ZFYVE16: variants seen among roughly 807,000 people sequenced by gnomAD.
ZFYVE16 encodes the protein zinc finger FYVE-type containing 16.
ZFYVE16 carries 89 observed loss-of-function variants against 138.1 expected under a neutral mutation model. The observed-to-expected ratio is 0.64, with a 90% CI of 0.54 to 0.77. ZFYVE16 has a LOEUF of 0.77. Among genes scored for constraint, ZFYVE16 ranks in the 30% least tolerant of loss-of-function variants. The pLI is 0.00. For synonymous variants in ZFYVE16, 596 were observed against 618.3 expected (o/e 0.96, Z 0.53); for missense variants, 1,793 against 1,786.7 (o/e 1.00, Z -0.06).
chr5:80,423,042 A>G (rs759136911), intron 1 of ZFYVE16, among the ~76,000 whole-genome samples: 2 of 152,144 alleles, frequency 1.3e-5, no homozygotes, highest in Non-Finnish European at 2.9e-5. Flanking sequence ...GTCTTATAGT[A>G]TAAGTTAGAA....
intron 15 of ZFYVE16, among the ~76,000 whole-genome samples, chr5:80,460,491 G>A (rs1300604130): frequency 2.0e-5 from 3 of 151,956 alleles, no homozygotes; most frequent in African/African-American, 7.2e-5. Context: ...ATACAGTTTC[G>A]AAAGATATTC....
intron 2 of ZFYVE16, among the ~76,000 whole-genome samples, chr5:80,432,474 A>G (rs963462062): frequency 1.3e-5 from 2 of 152,220 alleles, no homozygotes; most frequent in African/African-American, 2.4e-5. Context: ...ACCTAAAACT[A>G]TAAAAACCCT....
chr5:80,481,363 A>G lies in ZFYVE16; in HGVS notation c.*3986A>G, dbSNP rs965737388. On this transcript the variant is annotated 3_prime_UTR_variant, in exon 19 of 19. Transcript: ENST00000505560. ...AGAAAAGGAACCCTTAAATCTGTCA[A>G]TAAAATCCTGGGATCATCTCACAAG... Among the ~76,000 whole-genome samples the G allele has an allele frequency of 3.3e-4, 51 of 152,334 alleles. No homozygotes were observed. The highest frequency in any genetic ancestry group is 1.1e-3 in the African/African-American group (46 of 41,578).
chr5:80,433,168 C>CA (rs1290244680), intron 2 of ZFYVE16, among the ~76,000 whole-genome samples: 1 of 152,128 alleles, frequency 6.6e-6, no homozygotes, highest in Non-Finnish European at 1.5e-5. Context: ...CTCACAATAG[C>CA]AAAGACTTGG....
chr5:80,456,900 TA>T, intron 13 of ZFYVE16, 44 bp from the exon 14 acceptor site: 1 of 1,565,802 alleles, frequency 6.4e-7, no homozygotes, highest in Non-Finnish European at 8.6e-7. Flanking sequence ...CATATAATAT[TA>T]AAAGTGTTTC....
In ZFYVE16 at chr5:80,478,257, T is replaced by C. The variant is rs1561348021; in HGVS notation, c.*880T>C. The C allele has an allele frequency of 6.6e-6, 1 of 152,106 alleles. No homozygotes were observed. The highest frequency in any genetic ancestry group is 1.5e-5 in the Non-Finnish European group (1 of 67,964). 9.4% of individuals were successfully genotyped at this position (152,106 alleles called of 1,614,324 possible). On this transcript the variant is annotated 3_prime_UTR_variant, in exon 19 of 19. Transcript: ENST00000505560. ...GGCCAGATGACCCTTGAAGTAGTCA[T>C]TATGTAGCAATAAATGAAGCCTGAA...
intron 5 of ZFYVE16, 105 bp downstream of exon 5, chr5:80,440,137 A>G (rs2112392442): frequency 7.2e-7 from 1 of 1,387,046 alleles, no homozygotes; most frequent in Non-Finnish European, 9.3e-7. Context: ...GCAAGGACCT[A>G]GTGTTGAATT....
chr5:80,427,165 G>A (rs1281115792), intron 1 of ZFYVE16, among the ~76,000 whole-genome samples: 4 of 151,944 alleles, frequency 2.6e-5, no homozygotes, highest in African/African-American at 9.7e-5. Flanking sequence ...GATTACAGGT[G>A]TGAGCCACTG....
At chr5:80,466,516 G>T (rs762872540) in intron 15 of ZFYVE16, among the ~76,000 whole-genome samples, 1 of 151,930 alleles carries the variant, frequency 6.6e-6, no homozygotes, top group Non-Finnish European at 1.5e-5. Flanking sequence ...TGATTCTTTA[G>T]ACATAGTTCC....
chr5:80,432,278 C>T (rs1192341282), intron 2 of ZFYVE16, among the ~76,000 whole-genome samples: 4 of 152,064 alleles, frequency 2.6e-5, no homozygotes, highest in Non-Finnish European at 4.4e-5. Context: ...AGAAATAATA[C>T]CACACATCTA....
intron 1 of ZFYVE16, among the ~76,000 whole-genome samples, chr5:80,409,365 T>A (rs1745097638): frequency 6.6e-6 from 1 of 152,244 alleles, no homozygotes; most frequent in African/African-American, 2.4e-5. Context: ...AGAATAGTGC[T>A]ACAGTTCATT....
chr5:80,458,032 TAAAAA>T (rs749338847), intron 14 of ZFYVE16, among the ~76,000 whole-genome samples: 3 of 73,652 alleles, frequency 4.1e-5, no homozygotes, highest in Non-Finnish European at 8.1e-5. Flanking sequence ...AGACTACGTC[TAAAAA>T]AAAAAAAAAA....
intron 1 of ZFYVE16, chr5:80,410,257 G>A (rs745589443): frequency 6.6e-6 from 1 of 151,754 alleles, no homozygotes; most frequent in Non-Finnish European, 1.5e-5. Flanking sequence ...CAGGCTATTG[G>A]TACATATTGT....
intron 1 of ZFYVE16, among the ~76,000 whole-genome samples, chr5:80,420,100 G>A (rs1169361654): frequency 2.1e-5 from 3 of 145,954 alleles, no homozygotes; most frequent in Admixed American, 6.9e-5. Context: ...GTGAGCCAGC[G>A]CGCCTGGCTT....
Position 80,480,625 on chromosome 5 carries a change from C to T in ZFYVE16, c.*3248C>T, listed in dbSNP as rs2112577643. On this transcript the variant is annotated 3_prime_UTR_variant, in exon 19 of 19. Transcript: ENST00000505560. ...CAAACAGAATAAACTAGAAAATCCA[C>T]ACATAGACACATAATAAGGCCAGGT... 6.6e-6 allele frequency among the ~76,000 whole-genome samples: 1 copy of T among 152,234 alleles called. No homozygotes were observed. Among genetic ancestry groups the T allele is most frequent in the Admixed American group, 6.5e-5 (1 of 15,290 alleles).
chr5:80,455,976 G>A (rs1048908785), intron 12 of ZFYVE16: 7 of 506,140 alleles, frequency 1.4e-5, no homozygotes, highest in Non-Finnish European at 2.4e-5. Context: ...ATCTCCTCAT[G>A]TACGTGTACC....
chr5:80,466,704 T>G (rs1015409439), intron 15 of ZFYVE16, among the ~76,000 whole-genome samples: 1 of 152,172 alleles, frequency 6.6e-6, no homozygotes, highest in African/African-American at 2.4e-5. Flanking sequence ...TGAGATACTG[T>G]GGAGGATGAC....
At chr5:80,465,048 T>C (rs1561324544) in intron 15 of ZFYVE16, among the ~76,000 whole-genome samples, 1 of 152,228 alleles carries the variant, frequency 6.6e-6, no homozygotes, top group Non-Finnish European at 1.5e-5. Flanking sequence ...GCAGATGTTT[T>C]TTAAATGAGA....
At chr5:80,456,147 C>T (rs1465610295) in intron 12 of ZFYVE16, 2 of 294,100 alleles carry the variant, frequency 6.8e-6, no homozygotes, top group Non-Finnish European at 1.2e-5. Flanking sequence ...TTAGTTTTCT[C>T]ATTTATAATA....
Sources: gnomAD v4.1 joint callset for allele counts (sites outside exome capture counted in the v4.1 genomes callset) on GRCh38, gnomAD v4.1.1 for gene constraint, MANE v1.5 for transcripts, NCBI Gene and HGNC (gene_info 2026-07-23, HGNC 2026-07-21) for gene names.